The following CSMD1 variants were observed in gnomAD, a reference collection of about 807,000 sequenced individuals.
The protein encoded by CSMD1 is CUB and sushi domain-containing protein 1.
Under a neutral mutation model 417.5 loss-of-function variants are expected in CSMD1, and 213 were observed. The observed-to-expected ratio is 0.51, with a 90% CI of 0.46 to 0.57. The LOEUF is 0.57. Ranked by LOEUF, CSMD1 falls within the 20% of genes least tolerant of loss-of-function variation. CSMD1 has a pLI of 0.00. For missense variants in CSMD1, 6,923 were observed against 4,529.7 expected, an observed-to-expected ratio of 1.53 and a Z score of -15.17; for synonymous variants, 2,862 against 1,736.8, an observed-to-expected ratio of 1.65 and a Z score of -16.11.
intron 4 of CSMD1, among the ~76,000 whole-genome samples, chr8:4,008,611 T>C (rs1388100578): frequency 9.1e-5 from 12 of 131,938 alleles, no homozygotes; most frequent in South Asian, 8.1e-4. Flanking sequence ...TTTTTTTTTT[T>C]TTTTTTTTTT....
intron 10 of CSMD1, among the ~76,000 whole-genome samples, chr8:3,514,507 T>G (rs1031208483): frequency 6.6e-6 from 1 of 152,228 alleles, no homozygotes; most frequent in Non-Finnish European, 1.5e-5. Flanking sequence ...TAAAAATGGC[T>G]TTAATGACAA....
intron 2 of CSMD1, among the ~76,000 whole-genome samples, chr8:4,632,804 A>C (rs2130847161): frequency 6.6e-6 from 1 of 152,218 alleles, no homozygotes; most frequent in South Asian, 2.1e-4. Flanking sequence ...AAATAAATAT[A>C]ATGTGCACTG....
intron 1 of CSMD1, among the ~76,000 whole-genome samples, chr8:4,793,614 T>C (rs1014199209): frequency 1.3e-5 from 2 of 151,584 alleles, no homozygotes; most frequent in African/African-American, 2.4e-5. Flanking sequence ...ATCATACTGT[T>C]TCAAAAAAAA....
intron 2 of CSMD1, among the ~76,000 whole-genome samples, chr8:4,533,006 T>C (rs1434985499): frequency 6.6e-6 from 1 of 151,990 alleles, no homozygotes. Context: ...CCTGCACCCC[T>C]ACTCACAGTC....
chr8:4,765,375 C>T (rs1040675547), intron 1 of CSMD1, among the ~76,000 whole-genome samples: 6 of 152,276 alleles, frequency 3.9e-5, no homozygotes, highest in Middle Eastern at 3.4e-3. Context: ...AGCACATCAT[C>T]GGATTGTCAG....
chr8:3,021,274 G>C (rs965447056), intron 51 of CSMD1, among the ~76,000 whole-genome samples: 2 of 152,194 alleles, frequency 1.3e-5, no homozygotes, highest in East Asian at 1.9e-4. Flanking sequence ...TAAAGAAGAA[G>C]TAATGGAGCA....
intron 42 of CSMD1, among the ~76,000 whole-genome samples, chr8:3,110,635 AC>A (rs1816447770): frequency 6.6e-6 from 1 of 152,238 alleles, no homozygotes; most frequent in Admixed American, 6.5e-5. Flanking sequence ...AACACTTGTG[AC>A]CTGCTGATAA....
intron 3 of CSMD1, among the ~76,000 whole-genome samples, chr8:4,119,796 C>T (rs1411987085): frequency 2.0e-5 from 3 of 152,108 alleles, no homozygotes; most frequent in Admixed American, 6.5e-5. Context: ...AGTAACAAAA[C>T]GTTCTACGAT....
rs1803582111 is a variant in CSMD1, at chr8:2,962,556, G to C, written c.9538C>G (p.Gln3180Glu). 3 of 1,613,874 alleles carry C rather than the reference G, an allele frequency of 1.9e-6. No homozygotes were observed. Among genetic ancestry groups the C allele is most frequent in the Middle Eastern group, 1.6e-4 (1 of 6,062 alleles). Residue 3180 changes from glutamine (Q) to glutamate (E), a missense_variant, in exon 61 of 70, where the codon CAG (glutamine) becomes GAG (glutamate). Gln to Glu is a conservative substitution (Grantham distance 29, BLOSUM62 2). Transcript: ENST00000635120. ...SFTYKSEVFF[Q>E]CKSPFILVGS... ...ACGAGTATAAATGGAGATTTGCACT[G>C]GAAGAAGACTTCGGACTTATAGGTG...
chr8:3,863,430 A>C (rs916187384), intron 5 of CSMD1, among the ~76,000 whole-genome samples: 2 of 151,072 alleles, frequency 1.3e-5, no homozygotes, highest in Non-Finnish European at 2.9e-5. Flanking sequence ...AATACCATTC[A>C]TGTGGGTAGA....
intron 5 of CSMD1, among the ~76,000 whole-genome samples, chr8:3,755,001 G>C (rs1027897619): frequency 6.6e-6 from 1 of 152,174 alleles, no homozygotes; most frequent in Non-Finnish European, 1.5e-5. Context: ...ATCAATTTCT[G>C]GTTAAGCTGT....
intron 57 of CSMD1, among the ~76,000 whole-genome samples, chr8:2,969,394 T>C (rs1432989423): frequency 6.6e-6 from 1 of 152,156 alleles, no homozygotes; most frequent in Non-Finnish European, 1.5e-5. Context: ...CCATTTGAAA[T>C]CTTAAGCTTG....
intron 3 of CSMD1, among the ~76,000 whole-genome samples, chr8:4,177,429 C>A (rs1798116295): frequency 6.6e-6 from 1 of 151,952 alleles, no homozygotes; most frequent in African/African-American, 2.4e-5. Flanking sequence ...ACATTCAAAG[C>A]AGTGTGTAGA....
At chr8:4,725,057 G>A (rs1263257191) in intron 1 of CSMD1, among the ~76,000 whole-genome samples, 3 of 152,098 alleles carry the variant, frequency 2.0e-5, no homozygotes, top group South Asian at 2.1e-4. Flanking sequence ...CATAAAAGGG[G>A]AAATGTGTGA....
At chr8:4,138,449 C>A (rs1427096258) in intron 3 of CSMD1, among the ~76,000 whole-genome samples, 3 of 152,046 alleles carry the variant, frequency 2.0e-5, no homozygotes, top group African/African-American at 7.2e-5. Flanking sequence ...CAAAAAAACA[C>A]AGAACGCAGG....
At chr8:4,785,682 G>C (rs1797366216) in intron 1 of CSMD1, among the ~76,000 whole-genome samples, 1 of 152,090 alleles carries the variant, frequency 6.6e-6, no homozygotes, top group Non-Finnish European at 1.5e-5. Flanking sequence ...CTGACAAAAT[G>C]AAGAAAGGAG....
chr8:4,137,481 C>A (rs1222150544), intron 3 of CSMD1, among the ~76,000 whole-genome samples: 2 of 131,602 alleles, frequency 1.5e-5, no homozygotes, highest in East Asian at 4.0e-4. Flanking sequence ...ATTTTCACTA[C>A]AGAATATAAC....
chr8:4,277,030 A>T (rs543791160), intron 3 of CSMD1, among the ~76,000 whole-genome samples: 5 of 152,176 alleles, frequency 3.3e-5, no homozygotes, highest in African/African-American at 1.2e-4. Flanking sequence ...AGGTCAAAAA[A>T]ATTACCAGGA....
chr8:3,786,349 G>C (rs547176350), intron 5 of CSMD1, among the ~76,000 whole-genome samples: 1 of 152,102 alleles, frequency 6.6e-6, no homozygotes, highest in African/African-American at 2.4e-5. Context: ...CTGAGACCAC[G>C]GGCTTGGGTG....
Sources: gnomAD v4.1 joint callset for allele counts (sites outside exome capture counted in the v4.1 genomes callset) on GRCh38, gnomAD v4.1.1 for gene constraint, MANE v1.5 for transcripts, NCBI Gene and HGNC (gene_info 2026-07-23, HGNC 2026-07-21) for gene names.